Variants in NALCN observed in about 807,000 individuals in gnomAD.
The protein encoded by NALCN is sodium leak channel, non-selective.
Under a neutral mutation model 225.3 loss-of-function variants are expected in NALCN, and 111 were observed. That is an observed-to-expected ratio of 0.49 (90% CI 0.42 to 0.58). The LOEUF is 0.58. NALCN is among the 20% of genes least tolerant of loss of function. NALCN has a pLI of 0.00. For missense variants in NALCN, 1,378 were observed against 2,202.4 expected, an observed-to-expected ratio of 0.63 and a Z score of 7.49; for synonymous variants, 764 against 769.0, an observed-to-expected ratio of 0.99 and a Z score of 0.11.
At chr13:101,319,595 A>G (rs2044674685) in intron 7 of NALCN, among the ~76,000 whole-genome samples, 1 of 152,188 alleles carries the variant, frequency 6.6e-6, no homozygotes, top group South Asian at 2.1e-4. Flanking sequence ...TTTTTGGTAC[A>G]TACGTTCCCA....
intron 7 of NALCN, among the ~76,000 whole-genome samples, chr13:101,299,429 T>A (rs1004877771): frequency 7.6e-6 from 1 of 131,470 alleles, no homozygotes; most frequent in Non-Finnish European, 1.6e-5. Context: ...GGGTTTTTTT[T>A]GTTTGTTTGT....
chr13:101,207,408 C>G (rs2040354566), intron 13 of NALCN, among the ~76,000 whole-genome samples: 1 of 152,152 alleles, frequency 6.6e-6, no homozygotes, highest in African/African-American at 2.4e-5. Flanking sequence ...AATTCAAATT[C>G]ATTCTTCTTT....
chr13:101,381,025 T>C (rs892861825), intron 3 of NALCN, among the ~76,000 whole-genome samples: 2 of 152,086 alleles, frequency 1.3e-5, no homozygotes, highest in African/African-American at 2.4e-5. Flanking sequence ...ATTAATTCTA[T>C]GGGGAGTTTA....
intron 15 of NALCN, among the ~76,000 whole-genome samples, chr13:101,147,944 T>A (rs1193745170): frequency 6.6e-6 from 1 of 152,126 alleles, no homozygotes; most frequent in Non-Finnish European, 1.5e-5. Context: ...ATTCTACTTG[T>A]TTTCTAGATT....
chr13:101,305,279 C>T (rs879293678), intron 7 of NALCN, among the ~76,000 whole-genome samples: 1 of 152,200 alleles, frequency 6.6e-6, no homozygotes, highest in Non-Finnish European at 1.5e-5. Flanking sequence ...TCTGCCTTCT[C>T]ATCACTGGTG....
chr13:101,263,920 A>G (rs1424022688), intron 10 of NALCN, among the ~76,000 whole-genome samples: 1 of 152,232 alleles, frequency 6.6e-6, no homozygotes, highest in Non-Finnish European at 1.5e-5. Flanking sequence ...GAAACTGGCT[A>G]TCAGTTTCTT....
chr13:101,371,941 G>A (rs1429185657), intron 6 of NALCN, among the ~76,000 whole-genome samples: 2 of 152,126 alleles, frequency 1.3e-5, no homozygotes, highest in East Asian at 1.9e-4. Flanking sequence ...TAAAGTACAC[G>A]TAAGTAATTG....
At chr13:101,382,645 A>G (rs2046883024) in intron 3 of NALCN, among the ~76,000 whole-genome samples, 1 of 152,220 alleles carries the variant, frequency 6.6e-6, no homozygotes, top group Admixed American at 6.5e-5. Flanking sequence ...ATTATTTTAA[A>G]TCATTTTAGA....
intron 11 of NALCN, among the ~76,000 whole-genome samples, chr13:101,253,164 G>A (rs2140198267): frequency 6.6e-6 from 1 of 152,112 alleles, no homozygotes; most frequent in Non-Finnish European, 1.5e-5. Flanking sequence ...TTTATGCATA[G>A]GCTACAAAAG....
intron 7 of NALCN, among the ~76,000 whole-genome samples, chr13:101,329,528 A>G (rs1478310698): frequency 6.6e-6 from 1 of 152,192 alleles, no homozygotes; most frequent in Non-Finnish European, 1.5e-5. Context: ...AGAGGTTGGC[A>G]TAACTATTCA....
chr13:101,103,182 T>G lies in NALCN; in HGVS notation c.3047A>C (p.Glu1016Ala), dbSNP rs774951272. The change falls in exon 26 of 44, where the codon GAA becomes GCA. Residue 1016 changes from glutamate to alanine, a missense_variant. Glu to Ala is a moderately radical substitution (Grantham distance 107). Around this residue, in one of 19 missense-constraint regions of NALCN, gnomAD observed 292 missense variants for 409.5 expected, o/e 0.71. Coordinates refer to ENST00000251127, the MANE Select transcript of NALCN (RefSeq NM_052867.4). ...VVRELFSGFK[E>A]IFLVSILLLT... ...ATAATTCTCACATACCAAAAAAATT[T>G]CCTTGAAGCCGCTGAAAAGTTCTCG... 6.2e-7 allele frequency: 1 copy of G among 1,612,424 alleles called. No homozygotes were observed. The highest frequency in any genetic ancestry group is 8.5e-7 in the Non-Finnish European group (1 of 1,179,514).
intron 4 of NALCN, among the ~76,000 whole-genome samples, chr13:101,378,164 A>G (rs1234011802): frequency 1.3e-5 from 2 of 152,016 alleles, no homozygotes; most frequent in Admixed American, 6.6e-5. Context: ...ATAATTTTCT[A>G]TAGTATTGAT....
At chr13:101,136,519 T>G (rs2036804392) in intron 17 of NALCN, among the ~76,000 whole-genome samples, 1 of 150,052 alleles carries the variant, frequency 6.7e-6, no homozygotes, top group African/African-American at 2.5e-5. Context: ...GTGTTCTCAT[T>G]GTTCAGTTCC....
intron 41 of NALCN, among the ~76,000 whole-genome samples, chr13:101,060,592 A>ATGTCT (rs988139152): frequency 6.6e-6 from 1 of 150,780 alleles, no homozygotes; most frequent in Admixed American, 6.7e-5. Context: ...TGCCCAGCTT[A>ATGTCT]TGTCTTATTT....
intron 28 of NALCN, among the ~76,000 whole-genome samples, chr13:101,092,381 C>A (rs1251210786): frequency 1.3e-5 from 2 of 152,194 alleles, no homozygotes; most frequent in Non-Finnish European, 2.9e-5. Context: ...GTATCTTACA[C>A]AACCATCTCT....
At chr13:101,206,874 A>T (rs202076102) in intron 13 of NALCN, among the ~76,000 whole-genome samples, 2 of 151,962 alleles carry the variant, frequency 1.3e-5, no homozygotes, top group East Asian at 3.9e-4. Flanking sequence ...TAAAATTTTT[A>T]AAAATATTTT....
intron 15 of NALCN, among the ~76,000 whole-genome samples, chr13:101,172,279 T>C (rs1336111678): frequency 6.6e-6 from 1 of 152,198 alleles, no homozygotes; most frequent in Non-Finnish European, 1.5e-5. Context: ...TGGTGGGCTT[T>C]GACTTTTGGC....
chr13:101,151,528 T>C (rs1478979614), intron 15 of NALCN, among the ~76,000 whole-genome samples: 2 of 152,190 alleles, frequency 1.3e-5, no homozygotes, highest in African/African-American at 4.8e-5. Flanking sequence ...TAGAATATTT[T>C]TTGGTTGTTC....
intron 7 of NALCN, among the ~76,000 whole-genome samples, chr13:101,313,202 C>A (rs1034223952): frequency 2.6e-5 from 4 of 151,940 alleles, no homozygotes; most frequent in Admixed American, 2.0e-4. Context: ...TAAAGACTTA[C>A]GTGTTAGACC....
Sources: gnomAD v4.1 joint callset for allele counts (sites outside exome capture counted in the v4.1 genomes callset) on GRCh38, gnomAD v4.1.1 for gene constraint, gnomAD v4.1.1 regional missense constraint, MANE v1.5 for transcripts, NCBI Gene and HGNC (gene_info 2026-07-23, HGNC 2026-07-21) for gene names.